The following PRKG1 variants were observed in gnomAD, a reference collection of about 807,000 sequenced individuals.
PRKG1 encodes protein kinase cGMP-dependent 1.
PRKG1 carries 35 observed loss-of-function variants against 88.1 expected under a neutral mutation model. The ratio of observed to expected loss-of-function variants is 0.40; its 90% CI spans 0.30 to 0.53. The LOEUF is 0.53. Among genes scored for constraint, PRKG1 ranks in the 20% least tolerant of loss-of-function variants. PRKG1 has a pLI of 0.59. For missense variants in PRKG1, 540 were observed against 839.8 expected (o/e 0.64, Z 4.41); for synonymous variants, 303 against 292.5 (o/e 1.04, Z -0.37).
At chr10:51,946,358 C>T (rs556216643) in intron 5 of PRKG1, among the ~76,000 whole-genome samples, 3 of 152,014 alleles carry the variant, frequency 2.0e-5, no homozygotes, top group Admixed American at 6.5e-5. Flanking sequence ...GTTATACATT[C>T]GTCTAAATTT....
chr10:52,131,085 G>A (rs1275027252), intron 7 of PRKG1, among the ~76,000 whole-genome samples: 5 of 152,096 alleles, frequency 3.3e-5, no homozygotes, highest in Non-Finnish European at 7.4e-5. Flanking sequence ...AATGGAGGTG[G>A]GTTTAACACC....
At chr10:51,822,757 T>A (rs1839781769) in intron 4 of PRKG1, among the ~76,000 whole-genome samples, 1 of 152,302 alleles carries the variant, frequency 6.6e-6, no homozygotes, top group East Asian at 1.9e-4. Context: ...GTCATCCCCC[T>A]GTGTTTCCCT....
intron 5 of PRKG1, among the ~76,000 whole-genome samples, chr10:51,917,053 C>T (rs1372651733): frequency 6.6e-6 from 1 of 152,046 alleles, no homozygotes; most frequent in East Asian, 1.9e-4. Context: ...CACGGTGGCT[C>T]ATGCTTATAA....
chr10:51,815,720 C>A (rs546706002), intron 4 of PRKG1, among the ~76,000 whole-genome samples: 6 of 152,254 alleles, frequency 3.9e-5, no homozygotes, highest in Admixed American at 3.3e-4. Context: ...TAAAGTTAAT[C>A]ATAATTTATT....
intron 3 of PRKG1, among the ~76,000 whole-genome samples, chr10:51,601,737 T>C (rs891593631): frequency 1.6e-5 from 1 of 63,208 alleles, no homozygotes; most frequent in Non-Finnish European, 3.0e-5. Flanking sequence ...TTTTTTTTTT[T>C]TTTTTTTTTT....
intron 9 of PRKG1, among the ~76,000 whole-genome samples, chr10:52,209,496 G>A (rs1839905016): frequency 6.6e-6 from 1 of 152,094 alleles, no homozygotes; most frequent in Admixed American, 6.6e-5. Context: ...CATGTCAAGG[G>A]CCTCATTTAA....
intron 4 of PRKG1, among the ~76,000 whole-genome samples, chr10:51,869,915 A>G (rs1841112974): frequency 6.6e-6 from 1 of 152,196 alleles, no homozygotes; most frequent in Non-Finnish European, 1.5e-5. Context: ...TGTATTTAGA[A>G]GCATTTTCAA....
rs994760246 is a variant in PRKG1 at position 51,346,184 on chromosome 10, G to T, written c.479-121539G>T. ...TCCAAAAAAGTCGTTGATGATCATTGTGGAATAGTGTTCTCTCATAATTTA... is the reference window on the plus strand; with the variant it reads ...TCCAAAAAAGTCGTTGATGATCATTTTGGAATAGTGTTCTCTCATAATTTA... On this transcript the variant is annotated intron_variant, in intron 2 of 17. Coordinates refer to ENST00000373980, the MANE Select transcript of PRKG1 (RefSeq NM_006258.4). 1.6e-4 allele frequency among the ~76,000 whole-genome samples: 24 copies of T among 152,280 alleles called. No individual in the cohort carries two copies. The Middle Eastern group carries it at 0.01, about 65-fold the overall frequency.
At chr10:51,305,536 A>G (rs1188836277) in intron 2 of PRKG1, among the ~76,000 whole-genome samples, 1 of 152,152 alleles carries the variant, frequency 6.6e-6, no homozygotes, top group African/African-American at 2.4e-5. Flanking sequence ...ATCCTCAAAA[A>G]CAAAAACTTT....
intron 2 of PRKG1, among the ~76,000 whole-genome samples, chr10:51,338,632 C>T (rs1056246210): frequency 5.9e-5 from 9 of 152,128 alleles, no homozygotes; most frequent in African/African-American, 1.4e-4. Flanking sequence ...ACATGCAGCG[C>T]TGCCATTAAC....
intron 3 of PRKG1, among the ~76,000 whole-genome samples, chr10:51,715,028 G>GCA (rs1841853057): frequency 6.6e-6 from 1 of 151,956 alleles, no homozygotes; most frequent in African/African-American, 2.4e-5. Flanking sequence ...CGTGGGATGT[G>GCA]CATATATATA....
chr10:51,212,336 C>A (rs1470516240), intron 2 of PRKG1, among the ~76,000 whole-genome samples: 9 of 152,144 alleles, frequency 5.9e-5, no homozygotes, highest in Middle Eastern at 3.4e-3. Context: ...TAAAGACTTA[C>A]ATGTTAGACC....
At chr10:52,100,647 T>C (rs1271277512) in intron 7 of PRKG1, among the ~76,000 whole-genome samples, 1 of 152,194 alleles carries the variant, frequency 6.6e-6, no homozygotes, top group Non-Finnish European at 1.5e-5. Flanking sequence ...AAATATCTGT[T>C]GCCAAGAGAC....
intron 4 of PRKG1, among the ~76,000 whole-genome samples, chr10:51,874,663 T>C (rs1031355796): frequency 6.6e-6 from 1 of 152,202 alleles, no homozygotes; most frequent in Non-Finnish European, 1.5e-5. Flanking sequence ...TCACAAGCTA[T>C]AGCAAGTTGT....
At chr10:51,533,347 G>A (rs182004029) in intron 3 of PRKG1, among the ~76,000 whole-genome samples, 3 of 152,154 alleles carry the variant, frequency 2.0e-5, no homozygotes, top group Admixed American at 2.0e-4. Context: ...CCTCTATTTG[G>A]TAGATGAAGC....
At chr10:51,830,411 G>A (rs16923817) in intron 4 of PRKG1, among the ~76,000 whole-genome samples, 31,802 of 151,824 alleles carry the variant, frequency 0.21, 5,332 homozygotes, top group African/African-American at 0.47. Context: ...ATGGTGTTCT[G>A]TTTGGAAATT....
intron 1 of PRKG1, among the ~76,000 whole-genome samples, chr10:51,145,619 T>G (rs571155132): frequency 1.3e-5 from 2 of 152,302 alleles, no homozygotes; most frequent in Admixed American, 1.3e-4. Flanking sequence ...ACGCGTAAAA[T>G]GCATCTCTAG....
chr10:51,041,617 C>T (rs1843425293), intron 1 of PRKG1, among the ~76,000 whole-genome samples: 2 of 151,686 alleles, frequency 1.3e-5, no homozygotes, highest in African/African-American at 4.8e-5. Flanking sequence ...AGAAATGTTG[C>T]CCTGGAATTA....
chr10:51,676,461 C>CA (rs375581966), intron 3 of PRKG1, among the ~76,000 whole-genome samples: 32,214 of 92,660 alleles, frequency 0.35, 3,892 homozygotes, highest in African/African-American at 0.42. Flanking sequence ...CACCAATGCA[C>CA]AAAAAAAAAA....
Sources: allele counts gnomAD v4.1 joint callset (sites outside exome capture counted in the v4.1 genomes callset), GRCh38; gene constraint gnomAD v4.1.1; transcripts MANE v1.5; gene names NCBI Gene and HGNC (gene_info 2026-07-23, HGNC 2026-07-21).